The following PGAP1 variants were observed in gnomAD, a reference collection of about 807,000 sequenced individuals.
PGAP1 encodes post-GPI attachment to proteins inositol deacylase 1.
Under a neutral mutation model 127.0 loss-of-function variants are expected in PGAP1, and 76 were observed. The ratio of observed to expected loss-of-function variants is 0.60; its 90% CI spans 0.50 to 0.72. The LOEUF (loss-of-function observed/expected upper bound fraction) is 0.72, where lower values mean the gene tolerates loss of function less well. Among genes scored for constraint, PGAP1 ranks in the 30% least tolerant of loss-of-function variants. The pLI is 0.00. For synonymous variants in PGAP1, 362 were observed against 366.5 expected (o/e 0.99, Z 0.14); for missense variants, 982 against 1,071.3 (o/e 0.92, Z 1.16).
At chr2:196,900,638 A>G (rs1702454180) in intron 5 of PGAP1, among the ~76,000 whole-genome samples, 1 of 152,198 alleles carries the variant, frequency 6.6e-6, no homozygotes, top group African/African-American at 2.4e-5. Context: ...AAAGCAACAC[A>G]TTATCAGCTG....
chr2:196,875,333 G>C (rs1342617355), intron 14 of PGAP1, among the ~76,000 whole-genome samples: 1 of 152,188 alleles, frequency 6.6e-6, no homozygotes, highest in Non-Finnish European at 1.5e-5. Flanking sequence ...GGAAATGTGG[G>C]TGAAGGATAT....
intron 20 of PGAP1, among the ~76,000 whole-genome samples, chr2:196,854,469 C>T (rs1207234747): frequency 6.6e-6 from 1 of 152,126 alleles, no homozygotes; most frequent in Admixed American, 6.5e-5. Flanking sequence ...GTTAAATCTT[C>T]TTTAAAGTTA....
chr2:196,884,644 C>T (rs1440530101), intron 12 of PGAP1, among the ~76,000 whole-genome samples: 1 of 152,088 alleles, frequency 6.6e-6, no homozygotes, highest in Non-Finnish European at 1.5e-5. Context: ...TGGAGTTAAT[C>T]GTGAAATAAT....
At chr2:196,847,510 G>C (rs2125779109) in intron 21 of PGAP1, 1 of 192,644 alleles carries the variant, frequency 5.2e-6, no homozygotes, top group African/African-American at 2.5e-5. Flanking sequence ...TGGAAAAAAA[G>C]ATCTACATAT....
At chr2:196,898,232 G>A in intron 6 of PGAP1, 85 bp downstream of exon 6, 5 of 911,938 alleles carry the variant, frequency 5.5e-6, no homozygotes, top group East Asian at 2.6e-5. Flanking sequence ...AAAAAAAAAA[G>A]TTAACAAGCC....
intron 20 of PGAP1, among the ~76,000 whole-genome samples, chr2:196,852,001 C>T (rs1208759276): frequency 6.6e-6 from 1 of 152,100 alleles, no homozygotes; most frequent in Non-Finnish European, 1.5e-5. Context: ...ATTCTACAGG[C>T]TACTTTACCC....
chr2:196,926,017 G>A (rs879419798), intron 1 of PGAP1, among the ~76,000 whole-genome samples: 2 of 152,098 alleles, frequency 1.3e-5, no homozygotes, highest in Admixed American at 6.6e-5. Context: ...CCGGGCGCGA[G>A]GGGAATTTAG....
At chr2:196,872,880 T>C in intron 17 of PGAP1, 80 bp downstream of exon 17, 1 of 646,594 alleles carries the variant, frequency 1.5e-6, no homozygotes, top group Admixed American at 3.0e-5. Flanking sequence ...TAATAATTCA[T>C]GATTTAAATA....
rs1229939314 is a variant in PGAP1, at chr2:196,838,269, G to A, written c.*2965C>T. 8 of 152,136 alleles carry A rather than the reference G, an allele frequency of 5.3e-5. No individual in the cohort carries two copies. The highest frequency in any genetic ancestry group is 1.9e-4 in the African/African-American group (8 of 41,420). 9.4% of individuals were successfully genotyped at this position (152,136 alleles called of 1,614,324 possible). On this transcript the variant is annotated 3_prime_UTR_variant, in exon 27 of 27. Transcript: ENST00000354764. The stretch of plus-strand genomic sequence containing the variant: ...AGGCATAACAGTTGCTGTAAAAGTT[G>A]AGCTCAGAAATTTCCTGAATTAGAT...
intron 20 of PGAP1, among the ~76,000 whole-genome samples, chr2:196,848,515 AG>A (rs1391068262): frequency 1.3e-5 from 2 of 152,122 alleles, no homozygotes; most frequent in Non-Finnish European, 2.9e-5. Context: ...CCTTCTCTAA[AG>A]ATAGGCCTAT....
intron 12 of PGAP1, among the ~76,000 whole-genome samples, chr2:196,880,504 A>G (rs1012981481): frequency 2.6e-5 from 4 of 152,088 alleles, no homozygotes; most frequent in Non-Finnish European, 5.9e-5. Flanking sequence ...ATAGTATCAC[A>G]GTATTGTTTC....
At chr2:196,848,437 CA>C (rs1256072666) in intron 20 of PGAP1, among the ~76,000 whole-genome samples, 1 of 152,148 alleles carries the variant, frequency 6.6e-6, no homozygotes, top group African/African-American at 2.4e-5. Flanking sequence ...TCATTACCCA[CA>C]AAAGAAAGTT....
At chr2:196,896,823 C>A (rs1702292992) in intron 7 of PGAP1, among the ~76,000 whole-genome samples, 1 of 100,542 alleles carries the variant, frequency 9.9e-6, no homozygotes, top group Non-Finnish European at 1.9e-5. Flanking sequence ...AGTGAGACTC[C>A]ATCTTAAAAA....
At chr2:196,875,065 C>T (rs67735571) in intron 14 of PGAP1, among the ~76,000 whole-genome samples, 40,440 of 151,956 alleles carry the variant, frequency 0.27, 6,455 homozygotes, top group African/African-American at 0.45. Context: ...AGGAACATTG[C>T]ACAAAATAAT....
intron 26 of PGAP1, 103 bp from the exon 27 acceptor site, chr2:196,841,475 G>T: frequency 1.2e-6 from 1 of 817,838 alleles, no homozygotes; most frequent in South Asian, 2.2e-5. Context: ...TATTCTAAGT[G>T]AATTTAAATG....
rs200058523 is a variant in PGAP1, at chr2:196,926,666, C to A, written c.-50G>T. 2 of 1,611,114 alleles carry A rather than the reference C, an allele frequency of 1.2e-6. No individual in the cohort carries two copies. Among genetic ancestry groups the A allele is most frequent in the South Asian group, 1.1e-5 (1 of 90,952 alleles). ...GCCGCCGCCCCCTCTACCTCCTTCT[C>A]CGCCGCGGGGCCCCAAGCCCGGACT... is the stretch of plus-strand genomic sequence containing the variant. On this transcript the variant is annotated 5_prime_UTR_variant, in exon 1 of 27. Transcript: ENST00000354764.
chr2:196,912,987 C>T lies in PGAP1; in HGVS notation c.544G>A (p.Ala182Thr). Residue 182 changes from alanine (A) to threonine (T), a missense_variant, in exon 4 of 27, where the codon GCA (alanine) becomes ACA (threonine). Coordinates refer to ENST00000354764, the MANE Select transcript of PGAP1 (RefSeq NM_024989.4). ...TTAAAATTTTTCAGTGTAAGCAATG[C>T]TCTTGCAACAAGGCCACCCATAGAA... ...GHSMGGLVAR[A>T]LLTLKNFKHD... 6.2e-7 allele frequency: 1 copy of T among 1,613,798 alleles called. No individual in the cohort carries two copies. Among genetic ancestry groups the T allele is most frequent in the Non-Finnish European group, 8.5e-7 (1 of 1,179,848 alleles).
chr2:196,903,881 T>C (rs1702588812), intron 4 of PGAP1, among the ~76,000 whole-genome samples: 1 of 152,212 alleles, frequency 6.6e-6, no homozygotes, highest in Non-Finnish European at 1.5e-5. Context: ...CAAAATTTAA[T>C]GCATTTTTAT....
chr2:196,884,613 A>G (rs1380096926), intron 12 of PGAP1, among the ~76,000 whole-genome samples: 1 of 152,208 alleles, frequency 6.6e-6, no homozygotes, highest in East Asian at 1.9e-4. Flanking sequence ...AGCATTCATG[A>G]GCAAAAATAA....
Sources: allele counts gnomAD v4.1 joint callset (sites outside exome capture counted in the v4.1 genomes callset), GRCh38; gene constraint gnomAD v4.1.1; transcripts MANE v1.5; gene names NCBI Gene and HGNC (gene_info 2026-07-23, HGNC 2026-07-21).